SHANK2: variants seen among roughly 807,000 people sequenced by gnomAD.
SHANK2 encodes the protein SH3 and multiple ankyrin repeat domains 2, also known as SH3 and multiple ankyrin repeat domains protein 2.
Under a neutral mutation model 133.7 loss-of-function variants are expected in SHANK2, and 43 were observed. The ratio of observed to expected loss-of-function variants is 0.32; its 90% CI spans 0.25 to 0.41. The LOEUF is 0.41. Among genes scored for constraint, SHANK2 ranks in the 10% least tolerant of loss-of-function variants. The probability of loss-of-function intolerance (pLI) is 1.00; values close to 1 mark genes in which losing one functional copy is unlikely to be tolerated. For missense variants in SHANK2, 1,994 were observed against 2,235.8 expected (o/e 0.89, Z 2.18); for synonymous variants, 1,017 against 952.8 (o/e 1.07, Z -1.24).
chr11:71,114,309 C>T (rs1183222934), intron 4 of SHANK2, among the ~76,000 whole-genome samples: 1 of 152,162 alleles, frequency 6.6e-6, no homozygotes, highest in Non-Finnish European at 1.5e-5. Flanking sequence ...GATGCCGTCA[C>T]CCTGCACGGT....
chr11:70,637,637 G>A (rs898122848), intron 17 of SHANK2, among the ~76,000 whole-genome samples: 4 of 152,232 alleles, frequency 2.6e-5, no homozygotes, highest in South Asian at 2.1e-4. Context: ...GAAGGCCGGG[G>A]CACAAAGGAT....
chr11:70,502,738 C>CG, intron 18 of SHANK2, 58 bp downstream of exon 18: 1 of 515,066 alleles, frequency 1.9e-6, no homozygotes, highest in South Asian at 1.7e-5. Flanking sequence ...CCTGCCCGCC[C>CG]CCACCCCCCC....
intron 17 of SHANK2, among the ~76,000 whole-genome samples, chr11:70,657,664 T>C (rs972148059): frequency 3.9e-5 from 6 of 152,226 alleles, no homozygotes; most frequent in African/African-American, 1.4e-4. Flanking sequence ...ATAATCATAA[T>C]GCAGGCGCAG....
At chr11:70,640,634 C>CTGGA in intron 17 of SHANK2, among the ~76,000 whole-genome samples, 1 of 152,388 alleles carries the variant, frequency 6.6e-6, no homozygotes, top group African/African-American at 2.4e-5. Flanking sequence ...CAGGCATGTG[C>CTGGA]TGGAGCTGGG....
At chr11:71,199,945 T>C (rs1555116808) in intron 2 of SHANK2, among the ~76,000 whole-genome samples, 2 of 152,174 alleles carry the variant, frequency 1.3e-5, no homozygotes, top group East Asian at 3.8e-4. Flanking sequence ...AAGGCGGACA[T>C]GGTTTTGTCT....
chr11:71,119,080 TGAGTCACCCATGTGGGGCGCGTGGTCA>T (rs1952035867), intron 3 of SHANK2, 48 bp from the exon 4 acceptor site: 17 of 1,523,020 alleles, frequency 1.1e-5, no homozygotes, highest in African/African-American at 2.8e-5. Context: ...GGACGCTACC[TGAGTCACCCATGTGGGGCGCGTGGTCA>T]GAGAGGCAAA....
At chr11:70,548,616 A>G (rs797034422) in intron 17 of SHANK2, among the ~76,000 whole-genome samples, 1 of 152,150 alleles carries the variant, frequency 6.6e-6, no homozygotes, top group Non-Finnish European at 1.5e-5. Flanking sequence ...GGTGTGGTCT[A>G]TGGGAGAGGC....
intron 14 of SHANK2, among the ~76,000 whole-genome samples, chr11:70,703,576 C>T (rs1239759734): frequency 1.3e-5 from 2 of 152,102 alleles, no homozygotes; most frequent in East Asian, 1.9e-4. Flanking sequence ...GCTGGGCTGC[C>T]CCTTCCCAAG....
intron 11 of SHANK2, among the ~76,000 whole-genome samples, chr11:70,870,334 T>C (rs1201314481): frequency 2.0e-5 from 3 of 151,534 alleles, no homozygotes; most frequent in Non-Finnish European, 2.9e-5. Context: ...ATTCAGGAAA[T>C]AGAAAAAGTG....
intron 11 of SHANK2, among the ~76,000 whole-genome samples, chr11:70,887,061 C>A (rs140692513): frequency 6.6e-6 from 1 of 152,110 alleles, no homozygotes. Flanking sequence ...CAACAAAGAC[C>A]GTAAAAAATA....
chr11:70,885,241 G>T (rs1555073212), intron 11 of SHANK2, among the ~76,000 whole-genome samples: 1 of 151,366 alleles, frequency 6.6e-6, no homozygotes, highest in African/African-American at 2.4e-5. Context: ...CTAGGGCACA[G>T]TGGAGACTCT....
chr11:70,752,742 G>A (rs1946781448), intron 14 of SHANK2, among the ~76,000 whole-genome samples: 3 of 146,082 alleles, frequency 2.1e-5, no homozygotes, highest in African/African-American at 7.7e-5. Context: ...AAGAAGACAC[G>A]CCAGTCGTGA....
At chr11:70,767,512 A>G (rs1286166868) in intron 14 of SHANK2, among the ~76,000 whole-genome samples, 1 of 152,210 alleles carries the variant, frequency 6.6e-6, no homozygotes, top group Non-Finnish European at 1.5e-5. Flanking sequence ...AAAAGGAAGC[A>G]CTACTCAGCC....
chr11:70,538,180 G>A (rs1284229854), intron 17 of SHANK2, among the ~76,000 whole-genome samples: 1 of 152,228 alleles, frequency 6.6e-6, no homozygotes, highest in East Asian at 1.9e-4. Flanking sequence ...CCAGAAAGCT[G>A]AGTCACCCCA....
chr11:70,727,710 C>T (rs1946204746), intron 14 of SHANK2, among the ~76,000 whole-genome samples: 1 of 152,118 alleles, frequency 6.6e-6, no homozygotes, highest in Non-Finnish European at 1.5e-5. Context: ...TTGGTACCAC[C>T]CTGGGTTAAG....
intron 12 of SHANK2, among the ~76,000 whole-genome samples, chr11:70,813,569 G>A (rs552507390): frequency 1.3e-5 from 2 of 152,180 alleles, no homozygotes; most frequent in South Asian, 4.1e-4. Context: ...GTGGGTAGGT[G>A]GGTGTGTCTT....
intron 17 of SHANK2, among the ~76,000 whole-genome samples, chr11:70,503,862 G>A (rs922363372): frequency 1.3e-5 from 2 of 152,216 alleles, no homozygotes; most frequent in African/African-American, 2.4e-5. Flanking sequence ...CTGGGTGGGC[G>A]TCTGGGCTGA....
intron 10 of SHANK2, among the ~76,000 whole-genome samples, chr11:70,909,848 C>T (rs927396142): frequency 6.6e-6 from 1 of 152,194 alleles, no homozygotes; most frequent in African/African-American, 2.4e-5. Flanking sequence ...TGGCTGACAA[C>T]GGGGTACGCT....
chr11:70,552,542 C>T (rs1278320686), intron 17 of SHANK2, among the ~76,000 whole-genome samples: 1 of 152,224 alleles, frequency 6.6e-6, no homozygotes, highest in East Asian at 1.9e-4. Context: ...CTCTAATCTC[C>T]AGGCATTCGT....
Sources: gnomAD v4.1 joint callset for allele counts (sites outside exome capture counted in the v4.1 genomes callset) on GRCh38, gnomAD v4.1.1 for gene constraint, MANE v1.5 for transcripts, NCBI Gene and HGNC (gene_info 2026-07-23, HGNC 2026-07-21) for gene names.